The following ACCSL variants were observed in gnomAD, a reference collection of about 807,000 sequenced individuals.
ACCSL encodes 1-aminocyclopropane-1-carboxylate synthase homolog (inactive) like.
A neutral mutation model predicts 61.7 loss-of-function variants in ACCSL; 55 were observed. The ratio of observed to expected loss-of-function variants is 0.89; its 90% CI spans 0.72 to 1.12. The LOEUF (loss-of-function observed/expected upper bound fraction) is 1.12, where lower values mean the gene tolerates loss of function less well. Among genes scored for constraint, ACCSL ranks in the 50% most tolerant of loss-of-function variants. The pLI is 0.00. For missense variants in ACCSL, 632 were observed against 698.0 expected (o/e 0.91, Z 1.07); for synonymous variants, 258 against 264.3 (o/e 0.98, Z 0.23).
chr11:43,942,408 G>A, the ACCSL span: 1 of 206,260 alleles, frequency 4.8e-6, no homozygotes, highest in South Asian at 5.0e-5. Context: ...GTGCTCCGGG[G>A]CCGCGGCTTC....
chr11:44,058,718 C>T lies in ACCSL; in HGVS notation c.1624+19C>T. The T allele has an allele frequency of 6.3e-6, 10 of 1,598,186 alleles. No individual in the cohort carries two copies. The highest frequency in any genetic ancestry group is 8.5e-6 in the Non-Finnish European group (10 of 1,170,276). On this transcript the variant is annotated intron_variant, in intron 13 of 13. Transcript: ENST00000378832. Reference sequence around the variant, plus strand: ...AAATTGGGTGAGTGGAGCTGACCTCCCAATCCTTTAAAGACGCCCCATCAA... The same window carrying T: ...AAATTGGGTGAGTGGAGCTGACCTCTCAATCCTTTAAAGACGCCCCATCAA...
the ACCSL span, among the ~76,000 whole-genome samples, chr11:43,990,225 T>G: frequency 8.5e-5 from 13 of 152,170 alleles, no homozygotes; most frequent in Non-Finnish European, 1.5e-4. Context: ...ACTGACAGAG[T>G]GCTTAGGACG....
chr11:43,997,542 G>A, the ACCSL span, among the ~76,000 whole-genome samples: 13 of 152,156 alleles, frequency 8.5e-5, no homozygotes, highest in Admixed American at 7.2e-4. Context: ...CCCCATTCTC[G>A]TCGTTTTATG....
the ACCSL span, among the ~76,000 whole-genome samples, chr11:43,921,689 G>A: frequency 2.0e-5 from 3 of 152,118 alleles, no homozygotes; most frequent in Non-Finnish European, 4.4e-5. Flanking sequence ...TGATCTCCCC[G>A]TGTGGCAGCT....
chr11:43,943,203 A>G, the ACCSL span: 1 of 1,523,008 alleles, frequency 6.6e-7, no homozygotes, highest in African/African-American at 1.4e-5. This position sits in a 1 kb window ranked among gnomAD's most constrained non-coding sequence, Gnocchi z 4.8. Context: ...CTGTCGCTGC[A>G]GCGGGAGCAG....
chr11:44,002,406 C>T, the ACCSL span, among the ~76,000 whole-genome samples: 208 of 152,300 alleles, frequency 1.4e-3, no homozygotes, highest in Non-Finnish European at 1.1e-3. Context: ...GAAGAAGCCC[C>T]CCGCGTGGTT....
At chr11:43,941,565 A>T in the ACCSL span, among the ~76,000 whole-genome samples, 5 of 152,204 alleles carry the variant, frequency 3.3e-5, no homozygotes, top group Admixed American at 6.5e-5. Flanking sequence ...GAGTCCCAGG[A>T]CATAGGGCAG....
chr11:43,978,815 A>G, the ACCSL span, among the ~76,000 whole-genome samples: 1 of 46,064 alleles, frequency 2.2e-5, no homozygotes, highest in Non-Finnish European at 4.5e-5. Context: ...TTTTTTTTTT[A>G]CCAATAAAAG....
the ACCSL span, among the ~76,000 whole-genome samples, chr11:44,031,230 G>A: frequency 2.0e-5 from 3 of 152,292 alleles, no homozygotes; most frequent in South Asian, 2.1e-4. Context: ...ACGTTCGCAC[G>A]TCATCCTGCC....
chr11:43,940,977 C>T, the ACCSL span, among the ~76,000 whole-genome samples: 1 of 152,158 alleles, frequency 6.6e-6, no homozygotes, highest in Admixed American at 6.5e-5. Context: ...GGCAAGTTTT[C>T]TTAGCTTCTC....
At position 44,050,642 on chromosome 11, in the gene ACCSL, A is replaced by G; in HGVS notation, c.635+20A>G. On this transcript the variant is annotated intron_variant, in intron 3 of 13. Transcript: ENST00000378832. ...GCCATTGTAAGTGACCTTCAGATTT[A>G]GAGTCTCTTGGTCCCACAGGCAGCT... The G allele has an allele frequency of 1.2e-6, 2 of 1,611,928 alleles. No homozygotes were observed. The highest frequency in any genetic ancestry group is 2.2e-5 in the East Asian group (1 of 44,842).
the ACCSL span, among the ~76,000 whole-genome samples, chr11:44,031,595 G>A: frequency 2.6e-5 from 4 of 152,126 alleles, no homozygotes; most frequent in South Asian, 8.3e-4. Flanking sequence ...GGAGGTGGGA[G>A]GGCCTTCAGA....
chr11:44,023,029 TTTC>T, the ACCSL span, among the ~76,000 whole-genome samples: 11 of 146,456 alleles, frequency 7.5e-5, no homozygotes, highest in Non-Finnish European at 1.2e-4. Context: ...AGATTTTCTA[TTTC>T]TTCTTCTTCT....
the ACCSL span, among the ~76,000 whole-genome samples, chr11:43,948,864 A>T: frequency 6.6e-6 from 1 of 152,080 alleles, no homozygotes; most frequent in Non-Finnish European, 1.5e-5. Flanking sequence ...GTTTGAATCT[A>T]TTGCCTTCTT....
chr11:44,059,672 G>C (rs1263443633), intron 13 of ACCSL, among the ~76,000 whole-genome samples, 166 bp from the exon 14 acceptor site: 1 of 152,192 alleles, frequency 6.6e-6, no homozygotes, highest in Non-Finnish European at 1.5e-5. Flanking sequence ...AAGAAATCAG[G>C]GATGCAACAT....
the ACCSL span, among the ~76,000 whole-genome samples, chr11:44,019,853 T>A: frequency 4.6e-5 from 7 of 152,228 alleles, no homozygotes; most frequent in Non-Finnish European, 1.0e-4. Context: ...TCTACTTCTA[T>A]GTTTTTCTCT....
the ACCSL span, among the ~76,000 whole-genome samples, chr11:44,030,974 G>T: frequency 6.6e-6 from 1 of 152,132 alleles, no homozygotes; most frequent in Non-Finnish European, 1.5e-5. Flanking sequence ...CATGCCCAAG[G>T]CCTCCCAGGA....
chr11:43,972,113 G>A, the ACCSL span, among the ~76,000 whole-genome samples: 2 of 152,192 alleles, frequency 1.3e-5, no homozygotes, highest in Non-Finnish European at 2.9e-5. Flanking sequence ...AACTGCATAA[G>A]TGACTACAGA....
At chr11:43,946,085 G>GTTGT in the ACCSL span, among the ~76,000 whole-genome samples, 7 of 152,046 alleles carry the variant, frequency 4.6e-5, no homozygotes, top group South Asian at 4.2e-4. Flanking sequence ...TTTTGTTGTT[G>GTTGT]TTGTTTGTTT....
Sources: allele counts gnomAD v4.1 joint callset (sites outside exome capture counted in the v4.1 genomes callset), GRCh38; gene constraint gnomAD v4.1.1; non-coding constraint Gnocchi (gnomAD v3.1); transcripts MANE v1.5; gene names NCBI Gene and HGNC (gene_info 2026-07-23, HGNC 2026-07-21).